Variants in ERC2 observed in about 807,000 individuals in gnomAD.
ERC2 encodes the protein ERC protein 2.
In ERC2, 42 loss-of-function variants were observed where a neutral mutation model predicts 114.8. That is an observed-to-expected ratio of 0.37 (90% CI 0.29 to 0.47). The LOEUF is 0.47. Among genes scored for constraint, ERC2 ranks in the 20% least tolerant of loss-of-function variants. ERC2 has a pLI of 0.99. For missense variants in ERC2, 939 were observed against 1,150.7 expected, an observed-to-expected ratio of 0.82 and a Z score of 2.66; for synonymous variants, 454 against 425.5, an observed-to-expected ratio of 1.07 and a Z score of -0.82.
At chr3:55,541,810 G>A (rs934165657) in intron 17 of ERC2, among the ~76,000 whole-genome samples, 1 of 152,154 alleles carries the variant, frequency 6.6e-6, no homozygotes, top group Non-Finnish European at 1.5e-5. Context: ...TTTTGCCCTG[G>A]TTAGTTTTAC....
chr3:55,816,341 T>C (rs1039060698), intron 14 of ERC2, among the ~76,000 whole-genome samples: 14 of 152,192 alleles, frequency 9.2e-5, no homozygotes, highest in African/African-American at 3.1e-4. Flanking sequence ...CATTTACTAG[T>C]GACATCACTT....
chr3:55,992,363 T>C, intron 10 of ERC2, 113 bp from the exon 11 acceptor site: 1 of 931,212 alleles, frequency 1.1e-6, no homozygotes. Context: ...CCACCAAGAT[T>C]TATGGGTATA....
chr3:56,306,068 C>T (rs2056208571), intron 2 of ERC2, among the ~76,000 whole-genome samples: 1 of 152,028 alleles, frequency 6.6e-6, no homozygotes, highest in African/African-American at 2.4e-5. Context: ...AGGCTGTTCT[C>T]GAACTCCTGA....
chr3:55,729,393 C>T (rs956304746), intron 15 of ERC2, among the ~76,000 whole-genome samples: 3 of 152,168 alleles, frequency 2.0e-5, no homozygotes, highest in African/African-American at 7.2e-5. Context: ...CAATGACACC[C>T]ATCCTGTCTA....
chr3:56,196,276 T>C (rs1047282592), intron 3 of ERC2, among the ~76,000 whole-genome samples: 6 of 152,024 alleles, frequency 3.9e-5, no homozygotes, highest in African/African-American at 1.5e-4. Context: ...TAGAAAACCA[T>C]CCCACACTCC....
intron 17 of ERC2, among the ~76,000 whole-genome samples, chr3:55,667,961 A>G (rs932030844): frequency 6.6e-6 from 1 of 152,112 alleles, no homozygotes; most frequent in Non-Finnish European, 1.5e-5. Context: ...TACTTAGCAG[A>G]GTCCCTGGCC....
chr3:56,427,171 A>G (rs1275265275), intron 2 of ERC2, among the ~76,000 whole-genome samples: 1 of 151,908 alleles, frequency 6.6e-6, no homozygotes, highest in African/African-American at 2.4e-5. Context: ...CAGAAAAAAA[A>G]AAAAAGAAAG....
chr3:56,180,425 T>A (rs776719179), intron 3 of ERC2, among the ~76,000 whole-genome samples: 48 of 152,140 alleles, frequency 3.2e-4, no homozygotes, highest in Admixed American at 2.1e-3. Flanking sequence ...CAAATGTCCA[T>A]AGATGAATGA....
At chr3:55,600,788 C>G (rs1458847675) in intron 17 of ERC2, among the ~76,000 whole-genome samples, 1 of 152,186 alleles carries the variant, frequency 6.6e-6, no homozygotes, top group African/African-American at 2.4e-5. Context: ...TGTGTGGACA[C>G]GGCCTCTGCG....
intron 3 of ERC2, among the ~76,000 whole-genome samples, chr3:56,232,373 C>T (rs1200960776): frequency 2.0e-5 from 3 of 152,056 alleles, no homozygotes; most frequent in East Asian, 3.8e-4. Flanking sequence ...TACCTAGATA[C>T]ATTAGATCAA....
intron 2 of ERC2, among the ~76,000 whole-genome samples, chr3:56,394,846 C>A (rs757260536): frequency 3.3e-5 from 5 of 151,962 alleles, no homozygotes; most frequent in Non-Finnish European, 5.9e-5. Flanking sequence ...TATGACCCAG[C>A]AATTCCAAAT....
At chr3:55,947,027 A>G (rs1410011240) in intron 13 of ERC2, among the ~76,000 whole-genome samples, 2 of 152,210 alleles carry the variant, frequency 1.3e-5, no homozygotes, top group Non-Finnish European at 2.9e-5. Context: ...CCGCAAGCCA[A>G]TGGGCAACTC....
intron 6 of ERC2, among the ~76,000 whole-genome samples, chr3:56,106,681 A>G (rs1416046274): frequency 6.6e-6 from 1 of 152,230 alleles, no homozygotes; most frequent in Non-Finnish European, 1.5e-5. Flanking sequence ...AAGACTAGCC[A>G]TGAGGGAGTA....
chr3:56,298,222 C>T (rs1045759458), intron 2 of ERC2, among the ~76,000 whole-genome samples: 22 of 152,304 alleles, frequency 1.4e-4, no homozygotes, highest in African/African-American at 5.1e-4. Context: ...GATTTACTTT[C>T]TGTCTTTATG....
At chr3:55,900,763 GTAGA>G (rs1277162888) in intron 13 of ERC2, among the ~76,000 whole-genome samples, 1 of 152,132 alleles carries the variant, frequency 6.6e-6, no homozygotes, top group Admixed American at 6.5e-5. Context: ...CAAACACACA[GTAGA>G]TAGTCAACAG....
At chr3:56,214,868 C>T (rs944008181) in intron 3 of ERC2, among the ~76,000 whole-genome samples, 1 of 152,150 alleles carries the variant, frequency 6.6e-6, no homozygotes, top group Non-Finnish European at 1.5e-5. Flanking sequence ...ATTTTCAACC[C>T]AGAATTTCAT....
chr3:56,148,940 C>T, intron 5 of ERC2, 37 bp downstream of exon 5: 1 of 1,597,400 alleles, frequency 6.3e-7, no homozygotes, highest in Non-Finnish European at 8.5e-7. Flanking sequence ...TTTCTAGTCA[C>T]ATTAAGAACA....
chr3:55,686,108 C>T lies in ERC2; in HGVS notation c.2848-2249G>A, dbSNP rs142714590. ...ACAGGAGTTGTAGTTTGAAAGTACA[C>T]GCTGCCAATATCACTACTACTGTTC... On this transcript the variant is annotated intron_variant, in intron 16 of 17. Transcript: ENST00000288221. Among the ~76,000 whole-genome samples the T allele has an allele frequency of 2.4e-3, 363 of 152,216 alleles. 2 individuals carry two copies. Among genetic ancestry groups the T allele is most frequent in the African/African-American group, 8.2e-3 (341 of 41,538 alleles).
chr3:56,240,193 T>C (rs114616091), intron 3 of ERC2, among the ~76,000 whole-genome samples: 2,031 of 152,312 alleles, frequency 0.013, 47 homozygotes, highest in African/African-American at 0.044. Flanking sequence ...CGAAGAACAA[T>C]GACCAGCTTC....
Sources: gnomAD v4.1 joint callset for allele counts (sites outside exome capture counted in the v4.1 genomes callset) on GRCh38, gnomAD v4.1.1 for gene constraint, MANE v1.5 for transcripts, NCBI Gene and HGNC (gene_info 2026-07-23, HGNC 2026-07-21) for gene names.